Variants in TXNRD1 observed in about 807,000 individuals in gnomAD.
The protein encoded by TXNRD1 is thioredoxin reductase 1, cytoplasmic.
Under a neutral mutation model 80.3 loss-of-function variants are expected in TXNRD1, and 57 were observed. The observed-to-expected ratio is 0.71, with a 90% CI of 0.57 to 0.89. The LOEUF is 0.89. Among genes scored for constraint, TXNRD1 ranks in the 40% least tolerant of loss-of-function variants. The probability of loss-of-function intolerance (pLI) is 0.00; values close to 1 mark genes in which losing one functional copy is unlikely to be tolerated. For missense variants in TXNRD1, 730 were observed against 803.0 expected (o/e 0.91, Z 1.10); for synonymous variants, 291 against 285.2 (o/e 1.02, Z -0.20).
intron 3 of TXNRD1, among the ~76,000 whole-genome samples, chr12:104,270,301 A>C (rs2033626722): frequency 6.6e-6 from 1 of 152,224 alleles, no homozygotes; most frequent in South Asian, 2.1e-4. Context: ...TTAAATAATA[A>C]GACTTGAAAG....
At chr12:104,267,673 C>CTTTCTTTCTTTCTTTCTTTG (rs1565870134) in intron 3 of TXNRD1, among the ~76,000 whole-genome samples, 11 of 63,264 alleles carry the variant, frequency 1.7e-4, no homozygotes, top group African/African-American at 4.8e-4. Context: ...TTCTTTCTTT[C>CTTTCTTTCTTTCTTTCTTTG]TTTCTTTCTT....
At chr12:104,316,303 G>T (rs984746175) in intron 7 of TXNRD1, among the ~76,000 whole-genome samples, 5 of 150,998 alleles carry the variant, frequency 3.3e-5, no homozygotes, top group Non-Finnish European at 7.4e-5. Flanking sequence ...TCAGGAGGGG[G>T]TGGTTAGGCT....
chr12:104,293,712 CGA>C (rs1226519461), intron 4 of TXNRD1, among the ~76,000 whole-genome samples: 1 of 151,900 alleles, frequency 6.6e-6, no homozygotes, highest in Non-Finnish European at 1.5e-5. Flanking sequence ...TGTGCGGCGA[CGA>C]GAGAGTGTAG....
At chr12:104,266,083 T>C (rs2033480321) in intron 3 of TXNRD1, among the ~76,000 whole-genome samples, 1 of 152,226 alleles carries the variant, frequency 6.6e-6, no homozygotes, top group Non-Finnish European at 1.5e-5. Flanking sequence ...ACAATATTTT[T>C]TCCTGTATGT....
chr12:104,294,873 CCTTT>C (rs1394055287), intron 4 of TXNRD1, among the ~76,000 whole-genome samples: 1 of 152,230 alleles, frequency 6.6e-6, no homozygotes, highest in Middle Eastern at 3.2e-3. Flanking sequence ...CCAACCATCC[CCTTT>C]CTTAACTATT....
intron 2 of TXNRD1, 69 bp downstream of exon 2, chr12:104,251,747 AAAC>A: frequency 6.4e-7 from 1 of 1,555,756 alleles, no homozygotes; most frequent in East Asian, 2.3e-5. Flanking sequence ...GCTCAAATGT[AAAC>A]AACTGGATTT....
chr12:104,267,647 A>ATCTTTCTTTCCTTCTT (rs2033535815), intron 3 of TXNRD1, among the ~76,000 whole-genome samples: 1 of 140,344 alleles, frequency 7.1e-6, no homozygotes, highest in Non-Finnish European at 1.5e-5. Context: ...ATGTGATGGT[A>ATCTTTCTTTCCTTCTT]TCTTTCTTTC....
In TXNRD1 at chr12:104,251,604, G is replaced by A; in HGVS notation, c.169G>A (p.Ala57Thr). The A allele has an allele frequency of 6.2e-7, 1 of 1,613,922 alleles. No homozygotes were observed. The change falls in exon 2 of 17, where the codon GCC (alanine) becomes ACC (threonine). Residue 57 changes from alanine (A) to threonine (T), a missense_variant. Coordinates refer to ENST00000525566, the MANE Select transcript of TXNRD1 (RefSeq NM_001093771.3). ...CAGCACGGCCACTGCAGACTCCAGA[G>A]CCCTGCTTCAGGCCTATATAGATGG... ...FTSTATADSR[A>T]LLQAYIDGHS...
intron 4 of TXNRD1, 137 bp downstream of exon 4, chr12:104,289,177 C>G (rs2034087780): frequency 1.0e-6 from 1 of 984,370 alleles, no homozygotes; most frequent in Non-Finnish European, 1.5e-6. Context: ...GAAAAACGCT[C>G]GTGGGCTAGC....
At chr12:104,332,106 T>C (rs888842137) in intron 14 of TXNRD1, among the ~76,000 whole-genome samples, 1 of 152,196 alleles carries the variant, frequency 6.6e-6, no homozygotes, top group South Asian at 2.1e-4. Context: ...AAAATAAAAA[T>C]TTTTCACTGC....
At chr12:104,312,614 T>C (rs1308669057) in intron 5 of TXNRD1, among the ~76,000 whole-genome samples, 1 of 152,238 alleles carries the variant, frequency 6.6e-6, no homozygotes, top group Non-Finnish European at 1.5e-5. Flanking sequence ...TATTCAAAGC[T>C]TATTCTCTGA....
chr12:104,249,206 G>C (rs554957762), intron 1 of TXNRD1, among the ~76,000 whole-genome samples: 41 of 152,328 alleles, frequency 2.7e-4, no homozygotes, highest in African/African-American at 9.4e-4. Flanking sequence ...TTCTCAGTAG[G>C]TACCTTCTTG....
chr12:104,343,427 T>G (rs2036390929), intron 16 of TXNRD1, among the ~76,000 whole-genome samples: 1 of 152,198 alleles, frequency 6.6e-6, no homozygotes. Context: ...AGACCTGGGT[T>G]GTAATCTCAC....
intron 3 of TXNRD1, chr12:104,276,747 C>T (rs1001515519): frequency 3.3e-5 from 5 of 152,136 alleles, no homozygotes; most frequent in African/African-American, 7.2e-5. Context: ...AGCATGCAGG[C>T]GTAAATCCTG....
intron 3 of TXNRD1, among the ~76,000 whole-genome samples, chr12:104,274,494 G>A (rs1593737990): frequency 6.6e-6 from 1 of 151,872 alleles, no homozygotes; most frequent in Non-Finnish European, 1.5e-5. Flanking sequence ...TCAGGAGTTC[G>A]AGAACAGCCT....
intron 3 of TXNRD1, among the ~76,000 whole-genome samples, chr12:104,280,077 A>ATAAAAAT (rs2033846235): frequency 1.3e-5 from 2 of 151,062 alleles, no homozygotes; most frequent in African/African-American, 4.9e-5. Flanking sequence ...AAAAAAAAAA[A>ATAAAAAT]AAAAAATTCC....
intron 3 of TXNRD1, among the ~76,000 whole-genome samples, chr12:104,267,437 C>A (rs921590130): frequency 8.6e-5 from 13 of 151,634 alleles, no homozygotes; most frequent in African/African-American, 3.1e-4. Context: ...GCCACCATAC[C>A]CAGCTAATTT....
At chr12:104,337,392 A>G (rs1023421266) in intron 15 of TXNRD1, among the ~76,000 whole-genome samples, 2 of 152,062 alleles carry the variant, frequency 1.3e-5, no homozygotes, top group Non-Finnish European at 2.9e-5. Context: ...AGATTGCACT[A>G]GATAGTCTAG....
chr12:104,286,018 G>A (rs562253255), intron 3 of TXNRD1: 2 of 152,326 alleles, frequency 1.3e-5, no homozygotes, highest in Non-Finnish European at 2.9e-5. Context: ...GCTAAATCAA[G>A]CCTCTGAGTT....
Sources: gnomAD v4.1 joint callset for allele counts (sites outside exome capture counted in the v4.1 genomes callset) on GRCh38, gnomAD v4.1.1 for gene constraint, MANE v1.5 for transcripts, NCBI Gene and HGNC (gene_info 2026-07-23, HGNC 2026-07-21) for gene names.